Variants in BABAM2 observed in about 807,000 individuals in gnomAD.
BABAM2 encodes BRISC and BRCA1-A complex member 2.
In BABAM2, 31 loss-of-function variants were observed where a neutral mutation model predicts 54.7. That is an observed-to-expected ratio of 0.57 (90% CI 0.43 to 0.77). The LOEUF (loss-of-function observed/expected upper bound fraction) is 0.77. Ranked by LOEUF, BABAM2 falls within the 30% of genes least tolerant of loss-of-function variation. The pLI, the probability that BABAM2 is intolerant of heterozygous loss-of-function variation, is 0.00. For missense variants in BABAM2, 364 were observed against 455.8 expected (o/e 0.80, Z 1.83); for synonymous variants, 167 against 162.9 (o/e 1.03, Z -0.19).
intron 5 of BABAM2, among the ~76,000 whole-genome samples, chr2:28,026,053 A>G (rs1186172162): frequency 6.6e-6 from 1 of 151,786 alleles, no homozygotes; most frequent in Non-Finnish European, 1.5e-5. Context: ...CACCAGTTAG[A>G]ATGGCCATAA....
chr2:28,119,577 AGTTT>A (rs1668892050), intron 6 of BABAM2, among the ~76,000 whole-genome samples: 1 of 152,214 alleles, frequency 6.6e-6, no homozygotes, highest in Non-Finnish European at 1.5e-5. Flanking sequence ...TCCTCCCTAA[AGTTT>A]GTTTGTATGA....
At chr2:27,892,347 T>G (rs761586609) in intron 1 of BABAM2, 14 of 152,216 alleles carry the variant, frequency 9.2e-5, no homozygotes, top group Non-Finnish European at 1.5e-4. Flanking sequence ...TAGATAGGTG[T>G]CTAGAATGTG....
intron 3 of BABAM2, among the ~76,000 whole-genome samples, chr2:27,972,605 TA>T (rs1428341686): frequency 6.6e-6 from 1 of 152,174 alleles, no homozygotes; most frequent in Non-Finnish European, 1.5e-5. Context: ...GATGTGCTGT[TA>T]AGTGTGAAAT....
chr2:27,900,814 C>G (rs1184253667), intron 2 of BABAM2, among the ~76,000 whole-genome samples: 1 of 152,010 alleles, frequency 6.6e-6, no homozygotes, highest in Admixed American at 6.5e-5. Flanking sequence ...GAGGCCGAGG[C>G]GGGCATATCA....
intron 4 of BABAM2, among the ~76,000 whole-genome samples, chr2:28,022,148 A>T (rs1028629705): frequency 1.3e-5 from 2 of 150,738 alleles, no homozygotes; most frequent in African/African-American, 5.0e-5. Context: ...TTTACGAGAG[A>T]GAAATGTGGG....
At chr2:28,140,511 C>T (rs897706132) in intron 7 of BABAM2, among the ~76,000 whole-genome samples, 1 of 152,024 alleles carries the variant, frequency 6.6e-6, no homozygotes, top group African/African-American at 2.4e-5. Context: ...AACTGTATAT[C>T]ACAAAGAGTA....
At chr2:28,081,296 G>T (rs1365935757) in intron 6 of BABAM2, among the ~76,000 whole-genome samples, 1 of 152,162 alleles carries the variant, frequency 6.6e-6, no homozygotes, top group Non-Finnish European at 1.5e-5. Flanking sequence ...GGGCAAGTAG[G>T]AGCTGCTTCT....
intron 5 of BABAM2, among the ~76,000 whole-genome samples, chr2:28,026,239 C>T (rs1438145178): frequency 3.3e-5 from 5 of 152,218 alleles, no homozygotes; most frequent in African/African-American, 1.2e-4. Flanking sequence ...TGGATATATA[C>T]CCAAAGGATT....
At chr2:28,288,516 G>A (rs186206055) in intron 10 of BABAM2, among the ~76,000 whole-genome samples, 21 of 151,952 alleles carry the variant, frequency 1.4e-4, no homozygotes. Context: ...AGTACAGACG[G>A]GGTTTTACCA....
intron 7 of BABAM2, among the ~76,000 whole-genome samples, chr2:28,160,778 G>A (rs1673009752): frequency 6.8e-6 from 1 of 147,266 alleles, no homozygotes; most frequent in Non-Finnish European, 1.5e-5. Context: ...TAGGTGGGAT[G>A]AAATAGTGAG....
chr2:28,232,727 A>T (rs1681528639), intron 7 of BABAM2, among the ~76,000 whole-genome samples: 1 of 152,220 alleles, frequency 6.6e-6, no homozygotes, highest in South Asian at 2.1e-4. Flanking sequence ...TTGTAATCTT[A>T]TGGGACCACT....
chr2:28,044,717 A>T (rs377127498), intron 5 of BABAM2, among the ~76,000 whole-genome samples: 3 of 152,330 alleles, frequency 2.0e-5, no homozygotes, highest in East Asian at 3.9e-4. Context: ...CATTTTTTAA[A>T]GAGCGGGAAC....
chr2:28,028,790 G>A (rs573457947), intron 5 of BABAM2, among the ~76,000 whole-genome samples: 3 of 151,174 alleles, frequency 2.0e-5, no homozygotes, highest in Non-Finnish European at 2.9e-5. Flanking sequence ...TTTTTGAGAC[G>A]AAGTCTCACT....
intron 11 of BABAM2, among the ~76,000 whole-genome samples, chr2:28,326,031 G>A (rs950024142): frequency 4.6e-5 from 7 of 152,198 alleles, no homozygotes; most frequent in Admixed American, 2.0e-4. Context: ...CACAAACCTC[G>A]GAGCACTGTT....
At chr2:28,167,806 C>T (rs1673880314) in intron 7 of BABAM2, among the ~76,000 whole-genome samples, 1 of 152,112 alleles carries the variant, frequency 6.6e-6, no homozygotes, top group Non-Finnish European at 1.5e-5. Context: ...TCTATATATT[C>T]TAAAATAGTT....
At chr2:28,335,858 C>T (rs1232500241) in intron 11 of BABAM2, among the ~76,000 whole-genome samples, 1 of 152,104 alleles carries the variant, frequency 6.6e-6, no homozygotes, top group Non-Finnish European at 1.5e-5. Flanking sequence ...TATCCTGGAC[C>T]GTGGCCAGCT....
At chr2:27,917,480 C>A (rs1667066420) in intron 2 of BABAM2, among the ~76,000 whole-genome samples, 1 of 152,058 alleles carries the variant, frequency 6.6e-6, no homozygotes, top group Non-Finnish European at 1.5e-5. Flanking sequence ...TGGTGAGGGC[C>A]CGTTCCTCAT....
chr2:28,310,114 G>A, intron 11 of BABAM2: 1 of 1,614,196 alleles, frequency 6.2e-7, no homozygotes, highest in Non-Finnish European at 8.5e-7. Context: ...GAGGAATCCA[G>A]CTCTGCCTGA....
intron 11 of BABAM2, among the ~76,000 whole-genome samples, chr2:28,303,413 A>G (rs1688264133): frequency 6.6e-6 from 1 of 152,206 alleles, no homozygotes; most frequent in African/African-American, 2.4e-5. Flanking sequence ...GTATCCAGAT[A>G]TTACAACACC....
Sources: allele counts gnomAD v4.1 joint callset (sites outside exome capture counted in the v4.1 genomes callset), GRCh38; gene constraint gnomAD v4.1.1; transcripts MANE v1.5; gene names NCBI Gene and HGNC (gene_info 2026-07-23, HGNC 2026-07-21).